The following ARRDC3 variants were observed in gnomAD, a reference collection of about 807,000 sequenced individuals.
The protein encoded by ARRDC3 is arrestin domain-containing protein 3.
A neutral mutation model predicts 47.2 loss-of-function variants in ARRDC3; 10 were observed. The ratio of observed to expected loss-of-function variants is 0.21; its 90% CI spans 0.13 to 0.36. ARRDC3 has a LOEUF of 0.36. Ranked by LOEUF, ARRDC3 falls within the 10% of genes least tolerant of loss-of-function variation. ARRDC3 has a pLI of 1.00. For synonymous variants in ARRDC3, 156 were observed against 178.3 expected (o/e 0.87, Z 1.00); for missense variants, 381 against 503.6 (o/e 0.76, Z 2.33).
Position 91,383,131 on chromosome 5 carries a change from A to G in ARRDC3, c.-39T>C, listed in dbSNP as rs1799486981. 1 of 1,527,368 alleles carries G rather than the reference A, an allele frequency of 6.5e-7. No homozygotes were observed. Among genetic ancestry groups the G allele is most frequent in the Admixed American group, 2.1e-5 (1 of 47,950 alleles). 94.6% of individuals were successfully genotyped at this position (1,527,368 alleles called of 1,614,324 possible). ...TCTATAAAAATATAATGTAAGACAA[A>G]AAAGTCAAGATCGCATATAAAATGT... On this transcript the variant is annotated 5_prime_UTR_variant, in exon 1 of 8. Transcript: ENST00000265138.
rs1455121451 is a variant in ARRDC3, at chr5:91,374,162, T to C, written c.985A>G (p.Ser329Gly). Reference sequence around the variant, plus strand: ...AAACTGAGCCAGTTCATATTCATGCTACACTGACTGCTTACACTTGAGGTT... The same window carrying C: ...AAACTGAGCCAGTTCATATTCATGCCACACTGACTGCTTACACTTGAGGTT... The part of the protein sequence containing the change: ...SRTSSVSSQC[S>G]MNMNWLSLSL... Residue 329 changes from serine (S) to glycine (G), a missense_variant, in exon 6 of 8, where the codon AGC becomes GGC. By Grantham distance (56) the Ser-to-Gly change is moderately conservative. Coordinates refer to ENST00000265138, the MANE Select transcript of ARRDC3 (RefSeq NM_020801.4). 1.2e-6 allele frequency: 2 copies of C among 1,614,088 alleles called. No homozygotes were observed. The highest frequency in any genetic ancestry group is 1.3e-5 in the African/African-American group (1 of 75,046).
intron 3 of ARRDC3, among the ~76,000 whole-genome samples, chr5:91,376,177 T>A (rs1247154337): frequency 6.6e-6 from 1 of 152,212 alleles, no homozygotes; most frequent in East Asian, 1.9e-4. Flanking sequence ...AGGAGTTTTT[T>A]AATGAAACTA....
At position 91,378,761 on chromosome 5, in the gene ARRDC3, C is replaced by T; in HGVS notation, c.295G>A (p.Glu99Lys). The change falls in exon 2 of 8, where the codon GAA (glutamate) becomes AAA (lysine). Residue 99 changes from glutamate to lysine, a missense_variant. By Grantham distance (56) the Glu-to-Lys change is moderately conservative. Coordinates refer to ENST00000265138, the MANE Select transcript of ARRDC3 (RefSeq NM_020801.4). ...GAATGAATAGTGTGGAAGCCTTCTTCGGAATTATCATCATCTAAAACAAAC... is the reference window on the plus strand; with the variant it reads ...GAATGAATAGTGTGGAAGCCTTCTTTGGAATTATCATCATCTAAAACAAAC... ...IGHERDDDNS[E>K]EGFHTIHSGR... 6.3e-7 allele frequency: 1 copy of T among 1,589,256 alleles called. No homozygotes were observed.
At position 91,373,858 on chromosome 5, in the gene ARRDC3, G is replaced by C. The variant is rs138725543; in HGVS notation, c.1034-20C>G. 1 of 1,613,290 alleles carries C rather than the reference G, an allele frequency of 6.2e-7. No individual in the cohort carries two copies. Among genetic ancestry groups the C allele is most frequent in the Non-Finnish European group, 8.5e-7 (1 of 1,179,404 alleles). On this transcript the variant is annotated intron_variant, in intron 6 of 7. Transcript: ENST00000265138. The stretch of plus-strand genomic sequence containing the variant: ...GTGGTGCTGAAGGAAAAAGATACAC[G>C]CAATTCGAACAGCATGTTCTTATGC...
chr5:91,374,050 G>A, intron 6 of ARRDC3, 64 bp downstream of exon 6: 2 of 1,538,500 alleles, frequency 1.3e-6, no homozygotes, highest in Admixed American at 1.9e-5. Flanking sequence ...AAATATCAGA[G>A]GCAAAATAAT....
intron 7 of ARRDC3, among the ~76,000 whole-genome samples, chr5:91,373,120 C>T (rs1442100662): frequency 6.6e-6 from 1 of 152,174 alleles, no homozygotes; most frequent in East Asian, 1.9e-4. Flanking sequence ...TATTTTGCTT[C>T]TTAGCTTGTT....
chr5:91,377,348 TCTC>T (rs1404898148), intron 2 of ARRDC3, among the ~76,000 whole-genome samples: 1 of 152,154 alleles, frequency 6.6e-6, no homozygotes, highest in Non-Finnish European at 1.5e-5. Context: ...GTTTGGCTGT[TCTC>T]TAACTTTACG....
chr5:91,375,881 TCA>T (rs1799289492), intron 3 of ARRDC3, among the ~76,000 whole-genome samples: 1 of 152,060 alleles, frequency 6.6e-6, no homozygotes, highest in South Asian at 2.1e-4. Context: ...GTTTTTTAGC[TCA>T]CACTATTTAC....
At chr5:91,381,196 C>T (rs1197407831) in intron 1 of ARRDC3, among the ~76,000 whole-genome samples, 1 of 149,460 alleles carries the variant, frequency 6.7e-6, no homozygotes, top group Non-Finnish European at 1.5e-5. Context: ...CTACGCGTTG[C>T]AGGGTTTGGG....
intron 1 of ARRDC3, 105 bp downstream of exon 1, chr5:91,382,708 A>G: frequency 7.8e-7 from 1 of 1,275,244 alleles, no homozygotes; most frequent in Non-Finnish European, 1.1e-6. Context: ...ACCTTTCTCA[A>G]ACTGCTTAGT....
chr5:91,376,825 C>T, intron 2 of ARRDC3, 57 bp from the exon 3 acceptor site: 1 of 1,481,006 alleles, frequency 6.8e-7, no homozygotes, highest in South Asian at 1.3e-5. Context: ...AACAATTACA[C>T]AGTAGGTCAG....
At chr5:91,375,665 A>C in intron 3 of ARRDC3, 52 bp from the exon 4 acceptor site, 33 of 1,132,138 alleles carry the variant, frequency 2.9e-5, no homozygotes, top group Non-Finnish European at 3.9e-5. Context: ...TGGTACAATC[A>C]ATACCAGAAT....
Position 91,373,699 on chromosome 5 carries a change from T to C in ARRDC3, c.1173A>G (p.Pro391=). 3 of 1,613,776 alleles carry C rather than the reference T, an allele frequency of 1.9e-6. No homozygotes were observed. Among genetic ancestry groups the C allele is most frequent in the Non-Finnish European group, 1.7e-6 (2 of 1,179,756 alleles). Residue 391 remains proline (P), a synonymous_variant, in exon 7 of 8, where the codon CCA becomes CCG. Transcript: ENST00000265138. ...AGGTACTTACCTCTGAATAAAGAGG[T>C]GGAGGCAAGAATCGAAACTCCTGGA... is the stretch of plus-strand genomic sequence containing the variant. ...AYIQEFRFLP[P]PLYSEIDPNP... is the part of the protein sequence containing the mutation.
rs1799126672 is a variant in ARRDC3, at chr5:91,369,780, A to G, written c.*1620T>C. 1 of 152,154 alleles carries G rather than the reference A, an allele frequency of 6.6e-6. No individual in the cohort carries two copies. Among genetic ancestry groups the G allele is most frequent in the South Asian group, 2.1e-4 (1 of 4,828 alleles). The allele number at this position is 152,154 out of a possible 1,614,324, so 9.4% of individuals were successfully genotyped here. ...ATACAACAACAACAACAACAACAAA[A>G]TAAGTACACTTGGTACCTTGGAAAA... On this transcript the variant is annotated 3_prime_UTR_variant, in exon 8 of 8. Transcript: ENST00000265138.
chr5:91,371,981 T>G (rs766920252), intron 7 of ARRDC3, among the ~76,000 whole-genome samples: 9 of 152,098 alleles, frequency 5.9e-5, no homozygotes, highest in Non-Finnish European at 1.2e-4. Context: ...TGTGCTTATG[T>G]GAGGTAATAA....
chr5:91,378,998 C>T (rs1799373248), intron 1 of ARRDC3, among the ~76,000 whole-genome samples: 2 of 152,070 alleles, frequency 1.3e-5, no homozygotes, highest in African/African-American at 4.8e-5. Context: ...AATGAATACT[C>T]ACACCCCACA....
Position 91,374,456 on chromosome 5 carries a change from T to G in ARRDC3, c.871-180A>C, listed in dbSNP as rs113916429. On this transcript the variant is annotated intron_variant, in intron 5 of 7. Transcript: ENST00000265138. ...AGTACATTTACATATAAGGTATAAT[T>G]GTAAGTCAAACTATATAAAGAGTTA... Among the ~76,000 whole-genome samples, 845 of 152,362 alleles carry G rather than the reference T, an allele frequency of 5.5e-3. 10 individuals carry two copies. Among genetic ancestry groups the G allele is most frequent in the African/African-American group, 0.02 (815 of 41,590 alleles).
rs1334024396 is a variant in ARRDC3, at chr5:91,371,102, A to ATCATCCC, written c.*291_*297dup. The stretch of plus-strand genomic sequence containing the variant: ...CAAATTTTCAAATCAAAAGAAGGAA[A>ATCATCCC]TCATCCCTCTTTACAACGTGATGTC... On this transcript the variant is annotated 3_prime_UTR_variant, in exon 8 of 8. Transcript: ENST00000265138. 3.0e-6 allele frequency: 1 copy of ATCATCCC among 328,802 alleles called. No individual in the cohort carries two copies. The highest frequency in any genetic ancestry group is 2.1e-5 in the African/African-American group (1 of 46,982). The allele number at this position is 328,802 out of a possible 1,614,324, so 20.4% of individuals were successfully genotyped here.
At chr5:91,382,317 A>G (rs1022368388) in intron 1 of ARRDC3, among the ~76,000 whole-genome samples, 1 of 152,236 alleles carries the variant, frequency 6.6e-6, no homozygotes, top group Non-Finnish European at 1.5e-5. Context: ...CTTTTATGAA[A>G]GAACAGTCAT....
Sources: gnomAD v4.1 joint callset for allele counts (sites outside exome capture counted in the v4.1 genomes callset) on GRCh38, gnomAD v4.1.1 for gene constraint, MANE v1.5 for transcripts, NCBI Gene and HGNC (gene_info 2026-07-23, HGNC 2026-07-21) for gene names.